SGPL1: variants seen among roughly 807,000 people sequenced by gnomAD.
The protein encoded by SGPL1 is sphingosine-1-phosphate lyase 1.
SGPL1 carries 37 observed loss-of-function variants against 68.9 expected under a neutral mutation model. The observed-to-expected ratio is 0.54, with a 90% CI of 0.41 to 0.71. SGPL1 has a LOEUF of 0.71. SGPL1 is among the 30% of genes least tolerant of loss of function. SGPL1 has a pLI of 0.00. For synonymous variants in SGPL1, 236 were observed against 248.5 expected (o/e 0.95, Z 0.47); for missense variants, 551 against 704.6 (o/e 0.78, Z 2.47).
At chr10:70,817,547 C>G (rs1482434659) in intron 2 of SGPL1, among the ~76,000 whole-genome samples, 1 of 152,210 alleles carries the variant, frequency 6.6e-6, no homozygotes, top group African/African-American at 2.4e-5. Context: ...AAGTGATCCT[C>G]TTGCTTCAGC....
At chr10:70,859,888 T>TCTTTCCCTCCCTACCCG (rs1180404556) in intron 7 of SGPL1, among the ~76,000 whole-genome samples, 1 of 152,182 alleles carries the variant, frequency 6.6e-6, no homozygotes, top group Non-Finnish European at 1.5e-5. Context: ...CTCTCTACAC[T>TCTTTCCCTCCCTACCCG]CTTTCCCTCC....
intron 12 of SGPL1, 105 bp downstream of exon 12, chr10:70,873,694 T>G: frequency 1.2e-6 from 1 of 842,422 alleles, no homozygotes; most frequent in Non-Finnish European, 2.0e-6. Context: ...CCACCTGTTG[T>G]CTCCTGCGAT....
At chr10:70,848,567 C>T (rs919549996) in intron 3 of SGPL1, among the ~76,000 whole-genome samples, 11 of 144,600 alleles carry the variant, frequency 7.6e-5, no homozygotes, top group Admixed American at 5.1e-4. Flanking sequence ...TGGGTTCAAG[C>T]GATTCACTTG....
chr10:70,833,397 A>G (rs994579515), intron 2 of SGPL1, among the ~76,000 whole-genome samples: 2 of 152,176 alleles, frequency 1.3e-5, no homozygotes, highest in Non-Finnish European at 2.9e-5. Flanking sequence ...ATGATGATTC[A>G]GTTTCCTCAA....
At chr10:70,845,622 C>T (rs890863674) in intron 3 of SGPL1, among the ~76,000 whole-genome samples, 9 of 152,066 alleles carry the variant, frequency 5.9e-5, no homozygotes, top group African/African-American at 1.9e-4. Context: ...TCCTGCCCAC[C>T]CACCTTTTTC....
Position 70,844,506 on chromosome 10 carries a change from G to A in SGPL1, c.61G>A (p.Val21Ile). Residue 21 changes from valine to isoleucine, a missense_variant, in exon 3 of 15, where the codon GTA becomes ATA. Val to Ile is a conservative substitution (Grantham distance 29). Coordinates refer to ENST00000373202, the MANE Select transcript of SGPL1 (RefSeq NM_003901.4). ...AFEPYLEILEVYSTKAKNYVN... is the reference protein window; with the variant it reads ...AFEPYLEILEIYSTKAKNYVN... ...TGAGCCCTACTTAGAGATTTTGGAA[G>A]TATACTCCACAAAAGCCAAGAATTA... 2 of 1,613,840 alleles carry A rather than the reference G, an allele frequency of 1.2e-6. No individual in the cohort carries two copies. Among genetic ancestry groups the A allele is most frequent in the South Asian group, 1.1e-5 (1 of 91,072 alleles).
intron 7 of SGPL1, among the ~76,000 whole-genome samples, chr10:70,867,147 T>C (rs965503586): frequency 4.6e-5 from 7 of 152,190 alleles, no homozygotes; most frequent in Admixed American, 2.0e-4. Context: ...ACTAGTTTAG[T>C]ATTGTGGCTT....
intron 5 of SGPL1, among the ~76,000 whole-genome samples, chr10:70,855,283 G>A (rs1051011314): frequency 2.6e-5 from 4 of 152,222 alleles, no homozygotes; most frequent in African/African-American, 9.6e-5. Context: ...AGGTAGAGCT[G>A]TCTATATAGT....
intron 3 of SGPL1, among the ~76,000 whole-genome samples, chr10:70,848,195 A>G (rs1845820166): frequency 6.6e-6 from 1 of 152,180 alleles, no homozygotes; most frequent in Non-Finnish European, 1.5e-5. Context: ...TTTCCTTGCA[A>G]TAAAATGGAC....
chr10:70,831,391 C>T (rs886847467), intron 2 of SGPL1, among the ~76,000 whole-genome samples: 1 of 152,144 alleles, frequency 6.6e-6, no homozygotes, highest in Non-Finnish European at 1.5e-5. Context: ...CCAACCCATA[C>T]CTGTCTCCCC....
intron 3 of SGPL1, among the ~76,000 whole-genome samples, chr10:70,845,740 T>C (rs544652177): frequency 1.3e-5 from 2 of 152,246 alleles, no homozygotes; most frequent in South Asian, 4.1e-4. Flanking sequence ...GATTTGGTGC[T>C]GGATGTTCTA....
At chr10:70,873,624 T>G in intron 12 of SGPL1, 35 bp downstream of exon 12, 1 of 1,514,114 alleles carries the variant, frequency 6.6e-7, no homozygotes, top group South Asian at 1.1e-5. Flanking sequence ...GCCTTGTCTA[T>G]TGCTTTTTTG....
intron 7 of SGPL1, among the ~76,000 whole-genome samples, chr10:70,867,486 C>T (rs1326650573): frequency 2.0e-5 from 3 of 151,434 alleles, no homozygotes; most frequent in African/African-American, 4.9e-5. Flanking sequence ...TCGCTTGAAC[C>T]AGGAGGCAAA....
At chr10:70,848,373 T>A (rs888535668) in intron 3 of SGPL1, among the ~76,000 whole-genome samples, 2 of 152,114 alleles carry the variant, frequency 1.3e-5, no homozygotes, top group African/African-American at 4.8e-5. Flanking sequence ...AAAAATTGTA[T>A]GTTTATGATG....
intron 2 of SGPL1, among the ~76,000 whole-genome samples, chr10:70,820,643 C>T (rs933490118): frequency 2.0e-5 from 3 of 151,756 alleles, no homozygotes; most frequent in Non-Finnish European, 2.9e-5. Context: ...GGCATGGTGG[C>T]GTACACTTGT....
At chr10:70,874,515 C>T (rs1397112732) in intron 12 of SGPL1, among the ~76,000 whole-genome samples, 3 of 152,108 alleles carry the variant, frequency 2.0e-5, no homozygotes, top group African/African-American at 7.2e-5. Context: ...ACCTGAGGTC[C>T]AGAGTTCAAG....
intron 6 of SGPL1, among the ~76,000 whole-genome samples, chr10:70,859,070 A>G (rs113590286): frequency 0.047 from 7,230 of 152,292 alleles, 224 homozygotes; most frequent in Non-Finnish European, 0.064. Flanking sequence ...ACCTTAGATT[A>G]TGTGACCTAC....
intron 6 of SGPL1, among the ~76,000 whole-genome samples, chr10:70,858,840 A>C (rs1846003875): frequency 6.6e-6 from 1 of 152,154 alleles, no homozygotes; most frequent in Admixed American, 6.5e-5. Context: ...CTCATCTCTC[A>C]AAGTTCCACT....
At chr10:70,862,415 C>T (rs1453955225) in intron 7 of SGPL1, among the ~76,000 whole-genome samples, 1 of 152,114 alleles carries the variant, frequency 6.6e-6, no homozygotes, top group Non-Finnish European at 1.5e-5. Flanking sequence ...ACAAAACAGA[C>T]CACTTGGCTC....
Sources: gnomAD v4.1 joint callset for allele counts (sites outside exome capture counted in the v4.1 genomes callset) on GRCh38, gnomAD v4.1.1 for gene constraint, MANE v1.5 for transcripts, NCBI Gene and HGNC (gene_info 2026-07-23, HGNC 2026-07-21) for gene names.